Variants in CLVS1 observed in about 807,000 individuals in gnomAD.
CLVS1 encodes clavesin 1, also known as clavesin-1.
A neutral mutation model predicts 33.1 loss-of-function variants in CLVS1; 10 were observed. The ratio of observed to expected loss-of-function variants is 0.30; its 90% CI spans 0.19 to 0.51. The LOEUF (loss-of-function observed/expected upper bound fraction) is 0.51. Among genes scored for constraint, CLVS1 ranks in the 20% least tolerant of loss-of-function variants. CLVS1 has a pLI of 0.97. For synonymous variants in CLVS1, 163 were observed against 166.1 expected (o/e 0.98, Z 0.14); for missense variants, 343 against 433.4 (o/e 0.79, Z 1.85).
intron 2 of CLVS1, among the ~76,000 whole-genome samples, chr8:61,332,931 G>A (rs1421369641): frequency 3.9e-5 from 6 of 152,194 alleles, no homozygotes; most frequent in Non-Finnish European, 8.8e-5. Flanking sequence ...CACCGTGCCT[G>A]ACCTAAACTC....
At chr8:61,166,336 C>A (rs1038760312) in intron 2 of CLVS1, among the ~76,000 whole-genome samples, 9 of 151,808 alleles carry the variant, frequency 5.9e-5, no homozygotes, top group Non-Finnish European at 1.0e-4. Flanking sequence ...CCATGTTGCC[C>A]ACAATTTTTT....
intron 3 of CLVS1, among the ~76,000 whole-genome samples, chr8:61,408,740 G>A (rs1248108731): frequency 6.6e-6 from 1 of 152,140 alleles, no homozygotes; most frequent in Non-Finnish European, 1.5e-5. Context: ...GTCATCTTGG[G>A]GAGACACATT....
chr8:61,455,789 G>A (rs1817130300), intron 4 of CLVS1, among the ~76,000 whole-genome samples: 1 of 152,162 alleles, frequency 6.6e-6, no homozygotes, highest in African/African-American at 2.4e-5. Context: ...TGAGTATTCA[G>A]GAGGGACTGA....
intron 2 of CLVS1, among the ~76,000 whole-genome samples, chr8:61,310,711 CA>C (rs1328123940): frequency 6.6e-6 from 1 of 152,220 alleles, no homozygotes; most frequent in East Asian, 1.9e-4. Flanking sequence ...ACAGTGATGA[CA>C]AAAACAACTT....
At chr8:61,453,355 A>T (rs1047066926) in intron 3 of CLVS1, among the ~76,000 whole-genome samples, 3 of 152,106 alleles carry the variant, frequency 2.0e-5, no homozygotes, top group Non-Finnish European at 2.9e-5. Context: ...TCTAAAACAT[A>T]AGCTGATCTG....
chr8:61,352,833 C>A (rs1027908997), intron 2 of CLVS1, among the ~76,000 whole-genome samples: 1 of 151,904 alleles, frequency 6.6e-6, no homozygotes, highest in Non-Finnish European at 1.5e-5. Context: ...AACACCAACA[C>A]GGCATAACAT....
At position 61,356,294 on chromosome 8, in the gene CLVS1, G is replaced by A. The variant is rs184921197; in HGVS notation, c.456-20311G>A. Among the ~76,000 whole-genome samples the A allele has an allele frequency of 0.011, 1,655 of 152,148 alleles. 86 individuals are homozygous for A. The East Asian group carries it at 0.18, about 17-fold the overall frequency. ...TTTTCTTGTAAATTTGTTTGAGTTC[G>A]TTGTAGATTCTTGATATTAGCCCTT... On this transcript the variant is annotated intron_variant, in intron 2 of 5. Transcript: ENST00000325897.
chr8:60,999,596 C>T, the CLVS1 span, among the ~76,000 whole-genome samples: 1 of 152,136 alleles, frequency 6.6e-6, no homozygotes, highest in Non-Finnish European at 1.5e-5. Context: ...GCCAACATAC[C>T]ACCTGGCCAA....
chr8:61,310,380 A>G (rs1810789573), intron 2 of CLVS1, among the ~76,000 whole-genome samples: 1 of 152,234 alleles, frequency 6.6e-6, no homozygotes, highest in Non-Finnish European at 1.5e-5. Context: ...GTCCAAGGTC[A>G]TACAGCTGGC....
intron 2 of CLVS1, among the ~76,000 whole-genome samples, chr8:61,314,298 A>G (rs944580418): frequency 3.9e-5 from 6 of 152,082 alleles, no homozygotes; most frequent in Non-Finnish European, 5.9e-5. Flanking sequence ...ATATCACACC[A>G]CCATGGGTAG....
chr8:61,402,329 T>C (rs2129603603), intron 3 of CLVS1, among the ~76,000 whole-genome samples: 1 of 152,276 alleles, frequency 6.6e-6, no homozygotes, highest in African/African-American at 2.4e-5. Flanking sequence ...TGTTTGTCTC[T>C]ATTCCTGGAA....
chr8:61,111,083 T>C (rs1805616421), intron 1 of CLVS1, among the ~76,000 whole-genome samples: 1 of 152,194 alleles, frequency 6.6e-6, no homozygotes, highest in Non-Finnish European at 1.5e-5. Flanking sequence ...GTATGGTAAC[T>C]AAATGTTTAA....
Position 61,376,752 on chromosome 8 carries a change from C to T in CLVS1, c.603C>T (p.Ile201=), listed in dbSNP as rs967257201. The change falls in exon 3 of 6, where the codon ATC becomes ATT. Residue 201 remains isoleucine (I), a synonymous_variant. Transcript: ENST00000325897. ...AAGCCTCCAAACTGACACCTTCAAT[C>T]CTTAAACTGGCCATTGAAGGGTTGC... ...FKQASKLTPS[I]LKLAIEGLQD... 6.2e-7 allele frequency: 1 copy of T among 1,613,952 alleles called. No individual in the cohort carries two copies. Among genetic ancestry groups the T allele is most frequent in the African/African-American group, 1.3e-5 (1 of 74,918 alleles).
intron 3 of CLVS1, among the ~76,000 whole-genome samples, chr8:61,396,072 C>T (rs1814517032): frequency 6.6e-6 from 1 of 152,274 alleles, no homozygotes; most frequent in African/African-American, 2.4e-5. Flanking sequence ...TTTTTATGTA[C>T]ATAATTGGTG....
At chr8:61,216,025 G>A (rs920132728) in intron 2 of CLVS1, among the ~76,000 whole-genome samples, 5 of 152,138 alleles carry the variant, frequency 3.3e-5, no homozygotes, top group Admixed American at 1.3e-4. Flanking sequence ...TAACCAACAG[G>A]CAGGGTGGGA....
chr8:61,262,978 T>C (rs1809236868), intron 2 of CLVS1, among the ~76,000 whole-genome samples: 1 of 152,128 alleles, frequency 6.6e-6, no homozygotes, highest in Non-Finnish European at 1.5e-5. Context: ...GCAATTTAGT[T>C]AAACCTGCTG....
chr8:61,127,385 A>T (rs1314310730), intron 1 of CLVS1, among the ~76,000 whole-genome samples: 1 of 151,952 alleles, frequency 6.6e-6, no homozygotes, highest in Non-Finnish European at 1.5e-5. Flanking sequence ...ATGCTGGGCT[A>T]ATTTTGTATT....
intron 2 of CLVS1, among the ~76,000 whole-genome samples, chr8:61,339,171 G>T (rs1313009766): frequency 6.6e-6 from 1 of 152,030 alleles, no homozygotes; most frequent in South Asian, 2.1e-4. Flanking sequence ...CTATTGTGGG[G>T]GTCCTCTGCC....
chr8:61,317,276 C>T (rs960156956), intron 2 of CLVS1, among the ~76,000 whole-genome samples: 1 of 152,110 alleles, frequency 6.6e-6, no homozygotes, highest in African/African-American at 2.4e-5. Flanking sequence ...GTTGTGTCCT[C>T]ACATGGCAGA....
Sources: allele counts gnomAD v4.1 joint callset (sites outside exome capture counted in the v4.1 genomes callset), GRCh38; gene constraint gnomAD v4.1.1; transcripts MANE v1.5; gene names NCBI Gene and HGNC (gene_info 2026-07-23, HGNC 2026-07-21).